The following CELSR2 variants were observed in gnomAD, a reference collection of about 807,000 sequenced individuals.
CELSR2 encodes the protein cadherin EGF LAG seven-pass G-type receptor 2, also known as EGF-like protein 2.
A neutral mutation model predicts 251.6 loss-of-function variants in CELSR2; 81 were observed. The ratio of observed to expected loss-of-function variants is 0.32; its 90% CI spans 0.27 to 0.39. The LOEUF (loss-of-function observed/expected upper bound fraction) is 0.39. CELSR2 is among the 10% of genes least tolerant of loss of function. The pLI is 1.00. For missense variants in CELSR2, 3,365 were observed against 3,947.7 expected (o/e 0.85, Z 3.96); for synonymous variants, 1,721 against 1,670.5 (o/e 1.03, Z -0.74).
Position 109,274,113 on chromosome 1 carries a change from T to C in CELSR2, c.*64T>C. 2 of 1,613,184 alleles carry C rather than the reference T, an allele frequency of 1.2e-6. No individual in the cohort carries two copies. Among genetic ancestry groups the C allele is most frequent in the South Asian group, 2.2e-5 (2 of 91,062 alleles). On this transcript the variant is annotated 3_prime_UTR_variant, in exon 34 of 34. Transcript: ENST00000271332. ...TTCCCCAGCCGCACTCATGCCCTGC[T>C]CCTGTCTTGTGCTTTATCCTGCCCC...
At position 109,268,653 on chromosome 1, in the gene CELSR2, G is replaced by C; in HGVS notation, c.6391G>C (p.Glu2131Gln). 6.2e-7 allele frequency: 1 copy of C among 1,614,064 alleles called. No homozygotes were observed. The highest frequency in any genetic ancestry group is 1.1e-5 in the South Asian group (1 of 91,080). Residue 2131 changes from glutamate (E) to glutamine (Q), a missense_variant, in exon 18 of 34, where the codon GAG becomes CAG. Transcript: ENST00000271332. ...GCACTGGGAGCTGATCCAGCAGACA[G>C]AGGGTGGCACCGCCTGGCTGCTCCA... ...KRHWELIQQT[E>Q]GGTAWLLQHY...
At position 109,258,552 on chromosome 1, in the gene CELSR2, C is replaced by T. The variant is rs1279137422; in HGVS notation, c.3431C>T (p.Pro1144Leu). 6.2e-7 allele frequency: 1 copy of T among 1,604,570 alleles called. No individual in the cohort carries two copies. Among genetic ancestry groups the T allele is most frequent in the African/African-American group, 1.3e-5 (1 of 74,782 alleles). The change falls in exon 2 of 34, where the codon CCA becomes CTA. Residue 1144 changes from proline to leucine, a missense_variant. Pro to Leu is a moderately conservative substitution (Grantham distance 98). Coordinates refer to ENST00000271332, the MANE Select transcript of CELSR2 (RefSeq NM_001408.3). The stretch of plus-strand genomic sequence containing the variant: ...ATGTCACCCGAGCGCTTCCTGTCAC[C>T]ACTGCTAGGCCTCTTCATCCAGGCG... ...EDMSPERFLSPLLGLFIQAVA... is the reference protein window; with the variant it reads ...EDMSPERFLSLLLGLFIQAVA...
At position 109,272,317 on chromosome 1, in the gene CELSR2, T is replaced by A; in HGVS notation, c.7966T>A (p.Tyr2656Asn). 1 of 1,611,156 alleles carries A rather than the reference T, an allele frequency of 6.2e-7. No individual in the cohort carries two copies. The highest frequency in any genetic ancestry group is 8.5e-7 in the Non-Finnish European group (1 of 1,177,844). Reference protein sequence around the residue: ...CPSPYADGRLYQPYGDSAGSL... With the variant: ...CPSPYADGRLNQPYGDSAGSL... ...CAGCCCCTACGCAGATGGGCGGCTG[T>A]ACCAGCCCTACGGAGACTCGGCCGG... The change falls in exon 29 of 34, where the codon TAC becomes AAC. Residue 2656 changes from tyrosine to asparagine, a missense_variant. By Grantham distance (143) the Tyr-to-Asn change is moderately radical. This residue lies in a region of CELSR2 where 2,093 missense variants were observed against 2,382.8 expected (regional missense o/e 0.88). Transcript: ENST00000271332.
intron 28 of CELSR2, among the ~76,000 whole-genome samples, chr1:109,271,934 T>C (rs1656382428): frequency 1.3e-5 from 2 of 152,132 alleles, no homozygotes; most frequent in African/African-American, 4.8e-5. Context: ...CTGAGACAGA[T>C]AATCAGGTAA....
chr1:109,261,419 G>A lies in CELSR2; in HGVS notation c.4182-94G>A. On this transcript the variant is annotated intron_variant, in intron 3 of 33. Coordinates refer to ENST00000271332, the MANE Select transcript of CELSR2 (RefSeq NM_001408.3). The surrounding 1 kb of genome is among the most constrained non-coding windows in gnomAD (Gnocchi z 4.8). ...CTTGGAGTTGCCTGTGGTTCTGCCAGCAGATCTCCCTCCCCTGCGCTGGTT... is the reference window on the plus strand; with the variant it reads ...CTTGGAGTTGCCTGTGGTTCTGCCAACAGATCTCCCTCCCCTGCGCTGGTT... 1.4e-6 allele frequency: 2 copies of A among 1,391,512 alleles called. No homozygotes were observed. The highest frequency in any genetic ancestry group is 1.0e-6 in the Non-Finnish European group (1 of 981,454). The allele number at this position is 1,391,512 out of a possible 1,614,324, so 86.2% of individuals were successfully genotyped here.
At position 109,267,856 on chromosome 1, in the gene CELSR2, G is replaced by A. The variant is rs1278825088; in HGVS notation, c.6114G>A (p.Glu2038=). The part of the protein sequence containing the change: ...ITFSELKGFA[E]RLQRNESGLD... Reference sequence around the variant, plus strand: ...CTCCGCTCCGTCCTGTCTAGGCTGAGCGGCTACAGCGGAATGAGTCAGGCC... The same window carrying A: ...CTCCGCTCCGTCCTGTCTAGGCTGAACGGCTACAGCGGAATGAGTCAGGCC... Residue 2038 remains glutamate, a synonymous_variant, in exon 17 of 34, where the codon GAG becomes GAA. Transcript: ENST00000271332. 3.1e-6 allele frequency: 5 copies of A among 1,601,236 alleles called. No individual in the cohort carries two copies. The highest frequency in any genetic ancestry group is 4.3e-6 in the Non-Finnish European group (5 of 1,174,270).
In CELSR2 at chr1:109,270,581, C is replaced by T. The variant is rs140655472; in HGVS notation, c.7464C>T (p.Gly2488=). 2.3e-4 allele frequency: 364 copies of T among 1,613,928 alleles called. No homozygotes were observed. The highest frequency in any genetic ancestry group is 2.8e-4 in the Non-Finnish European group (327 of 1,180,014). The change falls in exon 24 of 34, where the codon GGC becomes GGT. Residue 2488 remains glycine, a synonymous_variant. Transcript: ENST00000271332. ...GCTTCTACTACATGCTGGGCTGGGG[C>T]GTGCCTGCCTTCATCACAGGTACTC... ...PMRFYYMLGW[G]VPAFITGLAV... is the part of the protein sequence containing the mutation.
intron 11 of CELSR2, 103 bp from the exon 12 acceptor site, chr1:109,264,765 A>C: frequency 4.4e-6 from 7 of 1,591,720 alleles, no homozygotes; most frequent in Non-Finnish European, 6.0e-6. Flanking sequence ...AGCCATAGCC[A>C]GCTGATAGGA....
Position 109,263,792 on chromosome 1 carries a change from G to A in CELSR2, c.5001+15G>A, listed in dbSNP as rs773809283. 6 of 1,610,464 alleles carry A rather than the reference G, an allele frequency of 3.7e-6. No individual in the cohort carries two copies. The highest frequency in any genetic ancestry group is 5.1e-6 in the Non-Finnish European group (6 of 1,178,962). On this transcript the variant is annotated intron_variant, in intron 9 of 33. Transcript: ENST00000271332. Reference sequence around the variant, plus strand: ...TCACCCTACAGGTGATGCATGGAAGGGCGGCTGGCCCTGGCCTGGCCATAG... The same window carrying A: ...TCACCCTACAGGTGATGCATGGAAGAGCGGCTGGCCCTGGCCTGGCCATAG...
chr1:109,259,580 AG>A (rs1655962901), intron 2 of CELSR2, among the ~76,000 whole-genome samples: 2 of 152,106 alleles, frequency 1.3e-5, no homozygotes, highest in Non-Finnish European at 2.9e-5. Flanking sequence ...CCCGGTTTAG[AG>A]GTGAGGCTGG....
Position 109,262,784 on chromosome 1 carries a change from G to A in CELSR2, c.4545-22G>A, listed in dbSNP as rs191753413. ...GAAGCTCCCAGCCCTCCCTTGTGCC[G>A]CCACCATCTTTGCTCCCCCAGGTCT... On this transcript the variant is annotated intron_variant, in intron 6 of 33. Transcript: ENST00000271332. 58 of 1,605,170 alleles carry A rather than the reference G, an allele frequency of 3.6e-5. 1 individual carries two copies. The East Asian group carries it at 4.0e-4, about 11-fold the overall frequency.
At chr1:109,255,048 C>T (rs961733584) in intron 1 of CELSR2, among the ~76,000 whole-genome samples, 5 of 152,178 alleles carry the variant, frequency 3.3e-5, no homozygotes, top group African/African-American at 1.2e-4. Flanking sequence ...GAGCCCTAGA[C>T]CTTGGTTCCC....
Position 109,267,645 on chromosome 1 carries a change from A to C in CELSR2, c.6108+3A>C, listed in dbSNP as rs935609666. 1 of 1,613,950 alleles carries C rather than the reference A, an allele frequency of 6.2e-7. No individual in the cohort carries two copies. Among genetic ancestry groups the C allele is most frequent in the African/African-American group, 1.3e-5 (1 of 74,908 alleles). On this transcript the variant is annotated splice_donor_region_variant and intron_variant, in intron 16 of 33. Transcript: ENST00000271332. ...CCTTCTCAGAACTGAAGGGCTTCGT[A>C]AGTGAACCCCCTCATCTCCATCTTT...
At position 109,251,613 on chromosome 1, in the gene CELSR2, G is replaced by A; in HGVS notation, c.1534G>A (p.Ala512Thr). The A allele has an allele frequency of 6.2e-7, 1 of 1,613,818 alleles. No individual in the cohort carries two copies. The highest frequency in any genetic ancestry group is 8.5e-7 in the Non-Finnish European group (1 of 1,179,882). ...CATCTTCGTCAGCACCCCTTTCCAG[G>A]CTACTGTCCTGGAGAGTGTCCCCTT... is the stretch of plus-strand genomic sequence containing the variant. ...APIFVSTPFQATVLESVPLGY... is the reference protein window; with the variant it reads ...APIFVSTPFQTTVLESVPLGY... The change falls in exon 1 of 34, where the codon GCT becomes ACT. Residue 512 changes from alanine to threonine, a missense_variant. By Grantham distance (58) the Ala-to-Thr change is moderately conservative. Around this residue, in one of 5 missense-constraint regions of CELSR2, gnomAD observed 704 missense variants for 784.1 expected, o/e 0.90. Transcript: ENST00000271332. The surrounding 1 kb of genome is among the most constrained non-coding windows in gnomAD (Gnocchi z 4.9).
At position 109,271,708 on chromosome 1, in the gene CELSR2, T is replaced by C. The variant is rs1656377628; in HGVS notation, c.7912T>C (p.Ser2638Pro). The C allele has an allele frequency of 6.2e-7, 1 of 1,613,694 alleles. No individual in the cohort carries two copies. The highest frequency in any genetic ancestry group is 1.1e-5 in the South Asian group (1 of 91,084). ...PSPDPALTTK[S>P]TLTSSYNCPS... ...CCCTGACCCTGCTCTGACCACCAAGTCCACCCTGACCTCGGTGAGGGAGCC... is the reference window on the plus strand; with the variant it reads ...CCCTGACCCTGCTCTGACCACCAAGCCCACCCTGACCTCGGTGAGGGAGCC... Residue 2638 changes from serine (S) to proline (P), a missense_variant, in exon 28 of 34, where the codon TCC becomes CCC. This residue lies in a region of CELSR2 where 2,093 missense variants were observed against 2,382.8 expected (regional missense o/e 0.88). Transcript: ENST00000271332.
In CELSR2 at chr1:109,251,013, A is replaced by G. The variant is rs573063472; in HGVS notation, c.934A>G (p.Arg312Gly). 5 of 1,613,368 alleles carry G rather than the reference A, an allele frequency of 3.1e-6. No individual in the cohort carries two copies. The highest frequency in any genetic ancestry group is 4.2e-6 in the Non-Finnish European group (5 of 1,179,920). ...GGTTGGCTATGAGGTGCTCACTGTC[A>G]GGGCCACGGATGGTGATGCCCCTCC... The part of the protein sequence containing the change: ...LEVGYEVLTV[R>G]ATDGDAPPNA... The change falls in exon 1 of 34, where the codon AGG becomes GGG. Residue 312 changes from arginine to glycine, a missense_variant. Physicochemically the swap from Arg to Gly is moderately radical, Grantham distance 125 (BLOSUM62 -2). Around this residue, in one of 5 missense-constraint regions of CELSR2, gnomAD observed 704 missense variants for 784.1 expected, o/e 0.90. Transcript: ENST00000271332. This position sits in a 1 kb window ranked among gnomAD's most constrained non-coding sequence, Gnocchi z 4.9.
chr1:109,264,268 G>A lies in CELSR2; in HGVS notation c.5192G>A (p.Gly1731Asp). 6.2e-7 allele frequency: 1 copy of A among 1,613,964 alleles called. No individual in the cohort carries two copies. Among genetic ancestry groups the A allele is most frequent in the Non-Finnish European group, 8.5e-7 (1 of 1,180,012 alleles). ...CAGCAGAGAGCAGAGGGCAACCTGG[G>A]CCCCCGGCTGCATGGTCTGCACCTG... ...YGQQRAEGNL[G>D]PRLHGLHLSN... The change falls in exon 10 of 34, where the codon GGC becomes GAC. Residue 1731 changes from glycine (G) to aspartate (D), a missense_variant. Transcript: ENST00000271332.
Position 109,262,945 on chromosome 1 carries a change from A to G in CELSR2, c.4684A>G (p.Ile1562Val), listed in dbSNP as rs143923513. The G allele has an allele frequency of 5.6e-6, 9 of 1,613,536 alleles. No homozygotes were observed. The African/African-American group carries it at 8.0e-5, about 14-fold the overall frequency. Residue 1562 changes from isoleucine to valine, a missense_variant, in exon 7 of 34, where the codon ATT becomes GTT. This residue lies in a region of CELSR2 where 2,093 missense variants were observed against 2,382.8 expected (regional missense o/e 0.88). Transcript: ENST00000271332. ...DSRHIDMADF[I>V]ANNGTVPGCP... ...CCGGCACATAGACATGGCTGACTTC[A>G]TTGCCAACAATGGCACCGTGCCTGG...
In CELSR2 at chr1:109,268,970, T is replaced by C; in HGVS notation, c.6593T>C (p.Leu2198Pro). 6.2e-7 allele frequency: 1 copy of C among 1,613,560 alleles called. No individual in the cohort carries two copies. Among genetic ancestry groups the C allele is most frequent in the Non-Finnish European group, 8.5e-7 (1 of 1,179,662 alleles). ...CTGCGTGGGGAGCAGCCCCCGGACCTTGAGACAACAGTCATTCTGCCTGAG... is the reference window on the plus strand; with the variant it reads ...CTGCGTGGGGAGCAGCCCCCGGACCCTGAGACAACAGTCATTCTGCCTGAG... ...EALRGEQPPD[L>P]ETTVILPESV... Residue 2198 changes from leucine (L) to proline (P), a missense_variant, in exon 19 of 34, where the codon CTT (leucine) becomes CCT (proline). Transcript: ENST00000271332.
Sources: allele counts gnomAD v4.1 joint callset (sites outside exome capture counted in the v4.1 genomes callset), GRCh38; gene constraint gnomAD v4.1.1; regional missense constraint gnomAD v4.1.1; non-coding constraint Gnocchi (gnomAD v3.1); transcripts MANE v1.5; gene names NCBI Gene and HGNC (gene_info 2026-07-23, HGNC 2026-07-21).